The following C8orf34 variants were observed in gnomAD, a reference collection of about 807,000 sequenced individuals.
C8orf34 encodes chromosome 8 open reading frame 34.
In C8orf34, 65 loss-of-function variants were observed where a neutral mutation model predicts 68.3. The observed-to-expected ratio is 0.95, with a 90% CI of 0.78 to 1.17. The LOEUF (loss-of-function observed/expected upper bound fraction) is 1.17, where lower values mean the gene tolerates loss of function less well. Among genes scored for constraint, C8orf34 ranks in the 50% most tolerant of loss-of-function variants. The pLI is 0.00. For missense variants in C8orf34, 664 were observed against 655.4 expected, an observed-to-expected ratio of 1.01 and a Z score of -0.14; for synonymous variants, 244 against 241.2, an observed-to-expected ratio of 1.01 and a Z score of -0.11.
intron 1 of C8orf34, among the ~76,000 whole-genome samples, chr8:68,377,085 A>C (rs887895113): frequency 6.6e-6 from 1 of 152,134 alleles, no homozygotes. Context: ...GAATGTGAGA[A>C]GAGCAGAAGT....
At position 68,774,327 on chromosome 8, in the gene C8orf34, GTGTGTA is replaced by G. The variant is rs201809173; in HGVS notation, c.1405-2070_1405-2065del. Among the ~76,000 whole-genome samples the G allele has an allele frequency of 1.8e-4, 17 of 96,054 alleles. 1 individual carries two copies. Among genetic ancestry groups the G allele is most frequent in the African/African-American group, 4.2e-4 (9 of 21,578 alleles). 63.0% of individuals were successfully genotyped at this position (96,054 alleles called of 152,430 possible). Reference sequence around the variant, plus strand: ...TATCTATGTATAAAAATATGGGTGTGTGTGTATATATATATATATATAAAATAAACA... The same window carrying G: ...TATCTATGTATAAAAATATGGGTGTGTATATATATATATATAAAATAAACA... On this transcript the variant is annotated intron_variant, in intron 10 of 13. Coordinates refer to ENST00000518698, the MANE Select transcript of C8orf34 (RefSeq NM_052958.4).
intron 7 of C8orf34, among the ~76,000 whole-genome samples, chr8:68,630,289 A>C (rs1284832788): frequency 1.3e-5 from 2 of 152,148 alleles, no homozygotes; most frequent in Non-Finnish European, 2.9e-5. Context: ...TGGAATATCC[A>C]TAATATTATC....
intron 1 of C8orf34, among the ~76,000 whole-genome samples, chr8:68,360,880 G>A (rs1353342572): frequency 6.6e-6 from 1 of 150,720 alleles, no homozygotes; most frequent in Non-Finnish European, 1.5e-5. Flanking sequence ...AGCCTCCCGA[G>A]TAGCTGGCAT....
chr8:68,420,259 C>G (rs1192287589), intron 1 of C8orf34, among the ~76,000 whole-genome samples: 1 of 151,404 alleles, frequency 6.6e-6, no homozygotes, highest in Non-Finnish European at 1.5e-5. Flanking sequence ...CAGCAACTGC[C>G]CTGCTCTTTG....
At chr8:68,351,240 G>A (rs971822686) in intron 1 of C8orf34, among the ~76,000 whole-genome samples, 5 of 151,896 alleles carry the variant, frequency 3.3e-5, no homozygotes, top group Admixed American at 2.6e-4. Flanking sequence ...CTGGATATAG[G>A]ATTCTTGGTT....
At chr8:68,656,460 A>G (rs1257483017) in intron 8 of C8orf34, among the ~76,000 whole-genome samples, 2 of 152,212 alleles carry the variant, frequency 1.3e-5, no homozygotes, top group East Asian at 3.8e-4. Context: ...GTAGGCATGA[A>G]CCCAGTGCTT....
chr8:68,775,010 G>A (rs998407285), intron 10 of C8orf34, among the ~76,000 whole-genome samples: 34 of 146,766 alleles, frequency 2.3e-4, no homozygotes, highest in African/African-American at 5.1e-4. Context: ...CCAACTACTC[G>A]GGGAGGCTGA....
intron 8 of C8orf34, among the ~76,000 whole-genome samples, chr8:68,708,519 A>G (rs1342686631): frequency 1.3e-5 from 2 of 152,158 alleles, no homozygotes; most frequent in African/African-American, 2.4e-5. Flanking sequence ...CTTTACCTCC[A>G]CTGCTGAGAC....
intron 1 of C8orf34, among the ~76,000 whole-genome samples, chr8:68,366,774 A>G (rs1807279011): frequency 6.8e-6 from 1 of 146,846 alleles, no homozygotes; most frequent in Non-Finnish European, 1.5e-5. Flanking sequence ...TTTAAACGTT[A>G]GACCTAAAAC....
At chr8:68,533,473 G>T in intron 7 of C8orf34, 1 of 1,021,246 alleles carries the variant, frequency 9.8e-7, no homozygotes, top group Non-Finnish European at 1.2e-6. Flanking sequence ...GATAATAATT[G>T]CCTTGTTTAC....
chr8:68,547,594 G>T (rs541820878), intron 7 of C8orf34, among the ~76,000 whole-genome samples: 1 of 151,762 alleles, frequency 6.6e-6, no homozygotes, highest in East Asian at 1.9e-4. Flanking sequence ...AATTACAGAT[G>T]AATACCCCTT....
At chr8:68,345,391 A>G (rs1806237899) in intron 1 of C8orf34, among the ~76,000 whole-genome samples, 1 of 152,016 alleles carries the variant, frequency 6.6e-6, no homozygotes, top group African/African-American at 2.4e-5. Context: ...ATGCCCATAA[A>G]GTAAAGCTTT....
chr8:68,595,699 G>A (rs1348474936), intron 7 of C8orf34, among the ~76,000 whole-genome samples: 2 of 151,868 alleles, frequency 1.3e-5, no homozygotes, highest in Admixed American at 6.6e-5. Flanking sequence ...CTTCACCTGA[G>A]ACATCTATCA....
chr8:68,764,650 C>G (rs1823117463), intron 10 of C8orf34, among the ~76,000 whole-genome samples: 1 of 152,004 alleles, frequency 6.6e-6, no homozygotes, highest in Admixed American at 6.6e-5. Context: ...GAAAGGAATG[C>G]CAAAGGTTGA....
At chr8:68,646,808 G>A (rs1240162079) in intron 8 of C8orf34, among the ~76,000 whole-genome samples, 1 of 152,058 alleles carries the variant, frequency 6.6e-6, no homozygotes, top group Non-Finnish European at 1.5e-5. Flanking sequence ...TCTTTTTAAA[G>A]GCTAAATAGT....
At chr8:68,468,626 T>C in intron 3 of C8orf34, 66 bp from the exon 4 acceptor site, 1 of 1,501,650 alleles carries the variant, frequency 6.7e-7, no homozygotes, top group Non-Finnish European at 9.1e-7. Context: ...TTTCACGTGA[T>C]GATGAATAGT....
At chr8:68,573,347 C>G (rs1318482696) in intron 7 of C8orf34, among the ~76,000 whole-genome samples, 3 of 152,088 alleles carry the variant, frequency 2.0e-5, no homozygotes, top group African/African-American at 7.2e-5. Flanking sequence ...TTGTGCATCT[C>G]TGTCATTCCC....
chr8:68,611,680 A>G (rs977140503), intron 7 of C8orf34, among the ~76,000 whole-genome samples: 3 of 152,214 alleles, frequency 2.0e-5, no homozygotes, highest in African/African-American at 7.2e-5. Context: ...TGTCAGTATC[A>G]ACTAGTTTAT....
At chr8:68,703,634 C>T (rs1301873319) in intron 8 of C8orf34, among the ~76,000 whole-genome samples, 2 of 152,086 alleles carry the variant, frequency 1.3e-5, no homozygotes, top group Non-Finnish European at 2.9e-5. Flanking sequence ...CCAAGGCCCA[C>T]CCTTGACCAG....
Sources: gnomAD v4.1 joint callset for allele counts (sites outside exome capture counted in the v4.1 genomes callset) on GRCh38, gnomAD v4.1.1 for gene constraint, MANE v1.5 for transcripts, NCBI Gene and HGNC (gene_info 2026-07-23, HGNC 2026-07-21) for gene names.